The following SKAP1 variants were observed in gnomAD, a reference collection of about 807,000 sequenced individuals.
The protein encoded by SKAP1 is src kinase-associated phosphoprotein 1.
A neutral mutation model predicts 58.5 loss-of-function variants in SKAP1; 44 were observed. The ratio of observed to expected loss-of-function variants is 0.75; its 90% CI spans 0.59 to 0.97. The LOEUF is 0.97. SKAP1 is among the 50% of genes least tolerant of loss of function. The pLI is 0.00. For missense variants in SKAP1, 390 were observed against 435.2 expected (o/e 0.90, Z 0.92); for synonymous variants, 127 against 149.7 (o/e 0.85, Z 1.11).
intron 3 of SKAP1, among the ~76,000 whole-genome samples, chr17:48,353,519 C>T (rs1261757002): frequency 2.0e-5 from 3 of 152,110 alleles, no homozygotes; most frequent in African/African-American, 7.2e-5. Flanking sequence ...GTCTACTATG[C>T]CCCAATTGGT....
At chr17:48,236,828 G>A (rs2065186160) in intron 4 of SKAP1, among the ~76,000 whole-genome samples, 1 of 152,190 alleles carries the variant, frequency 6.6e-6, no homozygotes, top group Non-Finnish European at 1.5e-5. Flanking sequence ...TGTAAGGAGA[G>A]TCACAGGAAA....
chr17:48,432,625 G>A (rs534984178), upstream of SKAP1, among the ~76,000 whole-genome samples: 1 of 152,262 alleles, frequency 6.6e-6, no homozygotes, highest in African/African-American at 2.4e-5. Context: ...CATGGGAACT[G>A]TCTGTGCTAT....
At chr17:48,301,734 C>T (rs376095103) in intron 4 of SKAP1, among the ~76,000 whole-genome samples, 1 of 152,284 alleles carries the variant, frequency 6.6e-6, no homozygotes, top group East Asian at 1.9e-4. Flanking sequence ...ACCTTGGCCT[C>T]CCAAAGTGCT....
intron 4 of SKAP1, among the ~76,000 whole-genome samples, chr17:48,250,905 C>A (rs2065356742): frequency 6.6e-6 from 1 of 152,136 alleles, no homozygotes; most frequent in Non-Finnish European, 1.5e-5. Flanking sequence ...GGTAATAAAA[C>A]CAAAATGGGA....
chr17:48,297,158 T>C (rs972565199), intron 4 of SKAP1, among the ~76,000 whole-genome samples: 1 of 152,152 alleles, frequency 6.6e-6, no homozygotes, highest in Non-Finnish European at 1.5e-5. Flanking sequence ...CCTAAATAGA[T>C]GGTGGTTTTA....
At position 48,172,684 on chromosome 17, in the gene SKAP1, G is replaced by C. The variant is rs148496448; in HGVS notation, c.827-2025C>G. ...AGTCTTAATGACATTTGCTTGTCTT[G>C]CTTCTCCATAGTTTTGCCACTAAAT... On this transcript the variant is annotated intron_variant, in intron 9 of 12. Coordinates refer to ENST00000336915, the MANE Select transcript of SKAP1 (RefSeq NM_003726.4). 4.9e-4 allele frequency among the ~76,000 whole-genome samples: 74 copies of C among 152,120 alleles called. 1 individual carries two copies. The highest frequency in any genetic ancestry group is 6.2e-4 in the South Asian group (3 of 4,812).
chr17:48,245,163 C>T (rs2065281763), intron 4 of SKAP1, among the ~76,000 whole-genome samples: 1 of 152,176 alleles, frequency 6.6e-6, no homozygotes, highest in South Asian at 2.1e-4. Context: ...ATGGTAGGAA[C>T]CTGGAAAATA....
rs186491539 is a variant in SKAP1 at position 48,393,943 on chromosome 17, G to A, written c.152+2737C>T. ...TCCTAAAATATTATTGTTTTAATCT[G>A]ACTAAAAATAGGCCAGGCACAGAGA... On this transcript the variant is annotated intron_variant, in intron 2 of 12. Transcript: ENST00000336915. Among the ~76,000 whole-genome samples, 616 of 152,106 alleles carry A rather than the reference G, an allele frequency of 4.0e-3. 8 individuals carry two copies. The highest frequency in any genetic ancestry group is 0.014 in the African/African-American group (590 of 41,488).
chr17:48,231,926 A>G (rs1175801398), intron 4 of SKAP1: 1 of 152,250 alleles, frequency 6.6e-6, no homozygotes, highest in African/African-American at 2.4e-5. Flanking sequence ...ACAAAGGCAC[A>G]CGTTACTGAT....
intron 2 of SKAP1, among the ~76,000 whole-genome samples, chr17:48,364,991 C>T (rs1043793772): frequency 2.6e-5 from 4 of 152,154 alleles, no homozygotes; most frequent in African/African-American, 9.7e-5. Context: ...TCAAGGGATC[C>T]TCCTACCTCA....
intron 10 of SKAP1, among the ~76,000 whole-genome samples, chr17:48,167,605 A>G (rs1350003765): frequency 1.3e-5 from 2 of 152,164 alleles, no homozygotes; most frequent in African/African-American, 4.8e-5. Flanking sequence ...ATTTGCTTAT[A>G]AGACCACAAT....
intron 1 of SKAP1, among the ~76,000 whole-genome samples, chr17:48,404,487 A>T (rs1298024085): frequency 2.6e-5 from 4 of 152,170 alleles, no homozygotes; most frequent in Non-Finnish European, 4.4e-5. Flanking sequence ...ATGGCGAGAC[A>T]ATGTAAAAAA....
chr17:48,438,929 AAGAG>A, the SKAP1 span, among the ~76,000 whole-genome samples: 1 of 152,212 alleles, frequency 6.6e-6, no homozygotes, highest in Non-Finnish European at 1.5e-5. Context: ...AAAAAGGGAA[AAGAG>A]AGTGAATGAG....
chr17:48,418,050 T>G (rs1396870), intron 1 of SKAP1, among the ~76,000 whole-genome samples: 31,863 of 151,946 alleles, frequency 0.21, 3,378 homozygotes, highest in Admixed American at 0.22. Flanking sequence ...ATCCCAGCAT[T>G]TGGGGAGAGA....
intron 2 of SKAP1, among the ~76,000 whole-genome samples, chr17:48,369,266 A>G (rs2067053644): frequency 6.6e-6 from 1 of 152,018 alleles, no homozygotes; most frequent in African/African-American, 2.4e-5. Context: ...CAAGGTGGGT[A>G]TATTGCTTGA....
intron 4 of SKAP1, among the ~76,000 whole-genome samples, chr17:48,269,470 G>A (rs186811550): frequency 1.3e-5 from 2 of 152,184 alleles, no homozygotes; most frequent in Admixed American, 1.3e-4. Context: ...TGACCCTGAG[G>A]GACCTGTATT....
chr17:48,280,586 T>C (rs2065754707), intron 4 of SKAP1, among the ~76,000 whole-genome samples: 1 of 152,238 alleles, frequency 6.6e-6, no homozygotes, highest in Non-Finnish European at 1.5e-5. Flanking sequence ...TACATATATA[T>C]ATAGTAGTTG....
At chr17:48,156,602 C>A in intron 11 of SKAP1, 1 of 311,576 alleles carries the variant, frequency 3.2e-6, no homozygotes, top group Non-Finnish European at 6.8e-6. Context: ...CACAGATCTG[C>A]TTCGTTATTA....
At chr17:48,214,808 G>C (rs1019549922) in intron 4 of SKAP1, among the ~76,000 whole-genome samples, 3 of 151,698 alleles carry the variant, frequency 2.0e-5, no homozygotes, top group Non-Finnish European at 4.4e-5. Flanking sequence ...TGTAGTCCCA[G>C]CTACTTGGGA....
Sources: gnomAD v4.1 joint callset for allele counts (sites outside exome capture counted in the v4.1 genomes callset) on GRCh38, gnomAD v4.1.1 for gene constraint, MANE v1.5 for transcripts, NCBI Gene and HGNC (gene_info 2026-07-23, HGNC 2026-07-21) for gene names.